The following SCHIP1 variants were observed in gnomAD, a reference collection of about 807,000 sequenced individuals.
The protein encoded by SCHIP1 is schwannomin interacting protein 1.
A neutral mutation model predicts 29.7 loss-of-function variants in SCHIP1; 8 were observed. The ratio of observed to expected loss-of-function variants is 0.27; its 90% CI spans 0.16 to 0.49. The LOEUF is 0.49. SCHIP1 is among the 20% of genes least tolerant of loss of function. The pLI is 0.99. For synonymous variants in SCHIP1, 76 were observed against 94.9 expected (o/e 0.80, Z 1.16); for missense variants, 193 against 294.6 (o/e 0.66, Z 2.52).
chr3:159,420,984 G>A, the SCHIP1 span, among the ~76,000 whole-genome samples: 131 of 152,292 alleles, frequency 8.6e-4, no homozygotes, highest in South Asian at 0.024. Flanking sequence ...GAGAAAGAGA[G>A]CCCATCCAAC....
chr3:159,807,663 A>G, the SCHIP1 span, among the ~76,000 whole-genome samples: 1 of 152,172 alleles, frequency 6.6e-6, no homozygotes, highest in African/African-American at 2.4e-5. Flanking sequence ...CTCTTGGGAA[A>G]AATTCTCAGC....
the SCHIP1 span, among the ~76,000 whole-genome samples, chr3:159,651,245 T>C: frequency 6.6e-6 from 1 of 152,238 alleles, no homozygotes; most frequent in Admixed American, 6.5e-5. Context: ...GCAAAACTTA[T>C]GAATTTAGTA....
chr3:159,601,583 GC>G, the SCHIP1 span, among the ~76,000 whole-genome samples: 1 of 152,226 alleles, frequency 6.6e-6, no homozygotes, highest in South Asian at 2.1e-4. Flanking sequence ...AGGCTGCTCT[GC>G]CAGTGGCAAA....
At chr3:159,718,331 A>T in the SCHIP1 span, among the ~76,000 whole-genome samples, 4 of 152,330 alleles carry the variant, frequency 2.6e-5, no homozygotes, top group Non-Finnish European at 5.9e-5. Context: ...CAAGACAGGG[A>T]TGCCCTCTCT....
the SCHIP1 span, among the ~76,000 whole-genome samples, chr3:159,484,749 A>G: frequency 6.6e-6 from 1 of 152,204 alleles, no homozygotes; most frequent in East Asian, 1.9e-4. Context: ...AATTAAAACT[A>G]TTGACCATTT....
At chr3:159,381,152 G>A in the SCHIP1 span, among the ~76,000 whole-genome samples, 3 of 151,828 alleles carry the variant, frequency 2.0e-5, no homozygotes, top group Non-Finnish European at 4.4e-5. Context: ...CACAAGGAGT[G>A]GATTAAAAAA....
At chr3:159,836,663 G>T (rs1233358734), upstream of SCHIP1, among the ~76,000 whole-genome samples, 1 of 152,020 alleles carries the variant, frequency 6.6e-6, no homozygotes. Context: ...GATCTCTTGA[G>T]GTCCCATCTA....
At chr3:159,511,084 C>T in the SCHIP1 span, among the ~76,000 whole-genome samples, 1 of 152,178 alleles carries the variant, frequency 6.6e-6, no homozygotes, top group Non-Finnish European at 1.5e-5. Context: ...TACAGAGGCC[C>T]ACAGGCCTCC....
chr3:159,298,717 C>T, the SCHIP1 span, among the ~76,000 whole-genome samples: 4 of 151,964 alleles, frequency 2.6e-5, no homozygotes, highest in Non-Finnish European at 1.5e-5. Context: ...CCGTGAAGAA[C>T]AATGTAGAAG....
chr3:159,447,029 A>C, the SCHIP1 span, among the ~76,000 whole-genome samples: 1 of 152,198 alleles, frequency 6.6e-6, no homozygotes, highest in Non-Finnish European at 1.5e-5. Flanking sequence ...TTCTGATATG[A>C]GTGTAAAAGG....
At chr3:159,312,891 C>A in the SCHIP1 span, among the ~76,000 whole-genome samples, 10 of 152,182 alleles carry the variant, frequency 6.6e-5, 1 homozygote, top group Admixed American at 5.9e-4. Flanking sequence ...CAGGGAAAAA[C>A]AGATAATCAA....
At chr3:159,866,278 C>G in exon 2 of SCHIP1, 1 of 1,613,246 alleles carries the variant, frequency 6.2e-7, no homozygotes, top group Non-Finnish European at 8.5e-7. Context: ...AGCCTTTCCT[C>G]CCGGTGAGTG....
the SCHIP1 span, among the ~76,000 whole-genome samples, chr3:159,541,048 A>G: frequency 1.3e-5 from 2 of 152,094 alleles, no homozygotes; most frequent in Non-Finnish European, 2.9e-5. Context: ...TTAGTGTAAT[A>G]GGCTACGGAT....
the SCHIP1 span, among the ~76,000 whole-genome samples, chr3:159,334,224 G>A: frequency 6.6e-6 from 1 of 152,134 alleles, no homozygotes; most frequent in Non-Finnish European, 1.5e-5. Context: ...GAAAGTGTAC[G>A]AAGAGGTTGT....
the SCHIP1 span, among the ~76,000 whole-genome samples, chr3:159,732,402 T>C: frequency 1.3e-5 from 2 of 152,080 alleles, no homozygotes; most frequent in East Asian, 1.9e-4. Context: ...GTCTGATCCT[T>C]GCTGCTGTGC....
the SCHIP1 span, among the ~76,000 whole-genome samples, chr3:159,535,734 T>A: frequency 6.6e-6 from 1 of 152,194 alleles, no homozygotes; most frequent in Non-Finnish European, 1.5e-5. Flanking sequence ...AGAAGAAGGG[T>A]CAGCAAACAT....
At chr3:159,645,078 T>G in the SCHIP1 span, among the ~76,000 whole-genome samples, 5 of 152,172 alleles carry the variant, frequency 3.3e-5, no homozygotes, top group African/African-American at 9.6e-5. Context: ...TTGCCTTGAT[T>G]TTATTTCCTA....
the SCHIP1 span, among the ~76,000 whole-genome samples, chr3:159,668,615 G>C: frequency 1.3e-5 from 2 of 152,076 alleles, no homozygotes; most frequent in African/African-American, 2.4e-5. Flanking sequence ...GCTCTGCTGG[G>C]ACCTGGCACA....
chr3:159,475,600 G>A, the SCHIP1 span, among the ~76,000 whole-genome samples: 1 of 152,138 alleles, frequency 6.6e-6, no homozygotes. Context: ...TCCAATAAAA[G>A]TAAAGGCTTG....
Sources: allele counts gnomAD v4.1 joint callset (sites outside exome capture counted in the v4.1 genomes callset), GRCh38; gene constraint gnomAD v4.1.1; transcripts MANE v1.5; gene names NCBI Gene and HGNC (gene_info 2026-07-23, HGNC 2026-07-21).